ESR1: variants seen among roughly 807,000 people sequenced by gnomAD.
ESR1 encodes the protein estrogen receptor 1, also known as estrogen receptor.
Under a neutral mutation model 52.7 loss-of-function variants are expected in ESR1, and 12 were observed. That is an observed-to-expected ratio of 0.23 (90% CI 0.15 to 0.37). ESR1 has a LOEUF of 0.37. Among genes scored for constraint, ESR1 ranks in the 10% least tolerant of loss-of-function variants. The pLI, the probability that ESR1 is intolerant of heterozygous loss-of-function variation, is 1.00. For missense variants in ESR1, 584 were observed against 779.7 expected, an observed-to-expected ratio of 0.75 and a Z score of 2.99; for synonymous variants, 305 against 316.8, an observed-to-expected ratio of 0.96 and a Z score of 0.39.
chr6:151,820,265 T>A (rs570395561), intron 1 of ESR1, among the ~76,000 whole-genome samples: 1 of 152,296 alleles, frequency 6.6e-6, no homozygotes, highest in African/African-American at 2.4e-5. Context: ...CCCAGTTCCT[T>A]GGACAGAATA....
intron 1 of ESR1, among the ~76,000 whole-genome samples, chr6:151,675,770 T>G (rs1030366199): frequency 6.6e-6 from 1 of 152,230 alleles, no homozygotes; most frequent in Non-Finnish European, 1.5e-5. Context: ...TTAAGCATTG[T>G]TTGAGACCCG....
At chr6:151,929,571 T>G (rs1291009522) in intron 3 of ESR1, among the ~76,000 whole-genome samples, 1 of 152,140 alleles carries the variant, frequency 6.6e-6, no homozygotes, top group Non-Finnish European at 1.5e-5. Flanking sequence ...ACATGTATAC[T>G]TATGGAACAA....
chr6:151,726,895 TG>T (rs1440154931), intron 2 of ESR1, among the ~76,000 whole-genome samples: 6 of 152,110 alleles, frequency 3.9e-5, no homozygotes, highest in Non-Finnish European at 8.8e-5. Flanking sequence ...TTCACTACAA[TG>T]GGAAGAAAAA....
chr6:151,842,850 C>T lies in ESR1; in HGVS notation c.643+63C>T, dbSNP rs9340804. The stretch of plus-strand genomic sequence containing the variant: ...TATGAGCAGATCCTAAGAGCCAAAG[C>T]GACTGAGGAAGGAAGACATAGAATC... On this transcript the variant is annotated intron_variant, in intron 2 of 7. Transcript: ENST00000206249. The T allele has an allele frequency of 1.0e-3, 1,469 of 1,425,778 alleles. 10 individuals are homozygous for T. The African/African-American group carries it at 0.019, about 18-fold the overall frequency. 88.3% of individuals were successfully genotyped at this position (1,425,778 alleles called of 1,614,324 possible).
chr6:151,705,511 A>G (rs1339441904), intron 2 of ESR1, among the ~76,000 whole-genome samples: 1 of 152,220 alleles, frequency 6.6e-6, no homozygotes, highest in African/African-American at 2.4e-5. Flanking sequence ...AGGATAAGCC[A>G]AAAAATTGGT....
chr6:152,068,169 C>A (rs1280612382), intron 6 of ESR1, among the ~76,000 whole-genome samples: 1 of 152,246 alleles, frequency 6.6e-6, no homozygotes, highest in African/African-American at 2.4e-5. Context: ...TCTCCCAGCA[C>A]TTGCTTGCGC....
rs113087766 is a variant in ESR1, at chr6:152,077,953, C to T, written c.1370-16432C>T. Among the ~76,000 whole-genome samples, 380 of 152,226 alleles carry T rather than the reference C, an allele frequency of 2.5e-3. 4 individuals are homozygous for T. Among genetic ancestry groups the T allele is most frequent in the African/African-American group, 8.8e-3 (366 of 41,538 alleles). ...TGGTTAATTCTGAAATGAGTTAAGA[C>T]TTTGGGGGACTGTTGGGAAGGCATG... On this transcript the variant is annotated intron_variant, in intron 6 of 7. Coordinates refer to ENST00000206249, the MANE Select transcript of ESR1 (RefSeq NM_000125.4).
At chr6:151,816,306 G>T (rs1370463202) in intron 1 of ESR1, among the ~76,000 whole-genome samples, 1 of 152,152 alleles carries the variant, frequency 6.6e-6, no homozygotes, top group Non-Finnish European at 1.5e-5. Flanking sequence ...AGTGATGAAA[G>T]CACAGGTCTG....
At chr6:151,727,564 T>C (rs536644578) in intron 2 of ESR1, among the ~76,000 whole-genome samples, 1 of 152,348 alleles carries the variant, frequency 6.6e-6, no homozygotes, top group East Asian at 1.9e-4. Flanking sequence ...GATTATAATA[T>C]ACTATCTTTT....
intron 4 of ESR1, among the ~76,000 whole-genome samples, chr6:151,994,868 G>T (rs1282052121): frequency 6.6e-6 from 1 of 152,154 alleles, no homozygotes; most frequent in South Asian, 2.1e-4. Flanking sequence ...TTTCATTTGA[G>T]AAATTATCAT....
chr6:151,886,373 A>G (rs1793851685), intron 3 of ESR1, among the ~76,000 whole-genome samples: 1 of 152,214 alleles, frequency 6.6e-6, no homozygotes, highest in Non-Finnish European at 1.5e-5. Flanking sequence ...TATTCTGGTT[A>G]TGTTTCCTTA....
rs9340825 is a variant in ESR1 at position 151,860,869 on chromosome 6, T to C, written c.643+18082T>C. Among the ~76,000 whole-genome samples the C allele has an allele frequency of 6.2e-3, 941 of 152,350 alleles. 8 individuals carry two copies. The highest frequency in any genetic ancestry group is 0.022 in the African/African-American group (897 of 41,590). ...AGATCAGAACATTTAAAAACTTCCCTGTGGATTTCTACCTCTTACCTAAGC... is the reference window on the plus strand; with the variant it reads ...AGATCAGAACATTTAAAAACTTCCCCGTGGATTTCTACCTCTTACCTAAGC... On this transcript the variant is annotated intron_variant, in intron 2 of 7. Coordinates refer to ENST00000206249, the MANE Select transcript of ESR1 (RefSeq NM_000125.4).
At chr6:151,879,192 G>T (rs2044682091) in intron 2 of ESR1, among the ~76,000 whole-genome samples, 1 of 152,212 alleles carries the variant, frequency 6.6e-6, no homozygotes, top group South Asian at 2.1e-4. Context: ...GGGTGTTTGG[G>T]ATTATGGAAG....
At chr6:151,801,889 G>A (rs1000392420), upstream of ESR1, among the ~76,000 whole-genome samples, 1 of 152,154 alleles carries the variant, frequency 6.6e-6, no homozygotes, top group Non-Finnish European at 1.5e-5. Flanking sequence ...TAGGAAATGC[G>A]GTACATGCAC....
At chr6:152,012,052 A>ACTCT (rs149855024) in intron 5 of ESR1, among the ~76,000 whole-genome samples, 50 of 143,450 alleles carry the variant, frequency 3.5e-4, no homozygotes, top group East Asian at 1.9e-3. Context: ...ACACACTCAC[A>ACTCT]CTCTCTCTCT....
chr6:152,086,079 C>A (rs773033667), intron 6 of ESR1, among the ~76,000 whole-genome samples: 7 of 152,224 alleles, frequency 4.6e-5, no homozygotes, highest in Non-Finnish European at 1.0e-4. Context: ...GCCTCTGAGA[C>A]TAGGTCACCC....
intron 2 of ESR1, among the ~76,000 whole-genome samples, chr6:151,725,614 C>T (rs1043856021): frequency 6.6e-6 from 1 of 152,162 alleles, no homozygotes; most frequent in Non-Finnish European, 1.5e-5. Flanking sequence ...GGGACTATTG[C>T]ATCTACTTGG....
exon 7 of ESR1, chr6:152,125,541 C>G: frequency 1.4e-6 from 1 of 707,686 alleles, no homozygotes; most frequent in Non-Finnish European, 2.1e-6. Context: ...TAGCTACCCA[C>G]AAACTTTGGA....
intron 5 of ESR1, among the ~76,000 whole-genome samples, chr6:152,025,083 T>G (rs2044024530): frequency 6.6e-6 from 1 of 151,766 alleles, no homozygotes; most frequent in Non-Finnish European, 1.5e-5. Flanking sequence ...GTTACAAAGT[T>G]TATAGGAATT....
Sources: gnomAD v4.1 joint callset for allele counts (sites outside exome capture counted in the v4.1 genomes callset) on GRCh38, gnomAD v4.1.1 for gene constraint, MANE v1.5 for transcripts, NCBI Gene and HGNC (gene_info 2026-07-23, HGNC 2026-07-21) for gene names.